The following CCDC77 variants were observed in gnomAD, a reference collection of about 807,000 sequenced individuals.
CCDC77 encodes the protein coiled-coil domain-containing protein 77.
A neutral mutation model predicts 66.8 loss-of-function variants in CCDC77; 56 were observed. The ratio of observed to expected loss-of-function variants is 0.84; its 90% CI spans 0.68 to 1.05. The LOEUF (loss-of-function observed/expected upper bound fraction) is 1.05, where lower values mean the gene tolerates loss of function less well. Among genes scored for constraint, CCDC77 ranks in the 50% least tolerant of loss-of-function variants. The probability of loss-of-function intolerance (pLI) is 0.00; values close to 1 mark genes in which losing one functional copy is unlikely to be tolerated. For synonymous variants in CCDC77, 196 were observed against 195.2 expected (o/e 1.00, Z -0.03); for missense variants, 570 against 576.8 (o/e 0.99, Z 0.12).
chr12:400,915 G>T (rs1035875285), upstream of CCDC77, among the ~76,000 whole-genome samples: 8 of 152,170 alleles, frequency 5.3e-5, no homozygotes, highest in Non-Finnish European at 1.0e-4. Context: ...ATAAAGGAAA[G>T]TGCGAGCCTG....
At chr12:413,271 C>G (rs1253399891) in intron 4 of CCDC77, among the ~76,000 whole-genome samples, 2 of 150,066 alleles carry the variant, frequency 1.3e-5, no homozygotes, top group Non-Finnish European at 3.0e-5. Context: ...GCGTCTTACT[C>G]TGTCGCCCAG....
At position 411,910 on chromosome 12, in the gene CCDC77, G is replaced by C. The variant is rs1945119101; in HGVS notation, c.202G>C (p.Glu68Gln). ...LLEYYQKKMA[E>Q]CEAENEDLLK... Reference sequence around the variant, plus strand: ...GGAATATTATCAAAAGAAGATGGCTGAGTGTGAGGCAGAAAATGAGGACTT... The same window carrying C: ...GGAATATTATCAAAAGAAGATGGCTCAGTGTGAGGCAGAAAATGAGGACTT... The change falls in exon 4 of 13, where the codon GAG becomes CAG. Residue 68 changes from glutamate (E) to glutamine (Q), a missense_variant. Transcript: ENST00000239830. 3.1e-6 allele frequency: 5 copies of C among 1,613,922 alleles called. No homozygotes were observed. The South Asian group carries it at 5.5e-5, about 18-fold the overall frequency.
At position 438,518 on chromosome 12, in the gene CCDC77, G is replaced by C. The variant is rs746796858; in HGVS notation, c.1005G>C (p.Met335Ile). ...AAATTGGAAAAGTGTTGCCCGTTAT[G>C]CATGAGAGTCACCATGCTCAAAGTG... ...EDKIGKVLPV[M>I]HESHHAQSEY... Residue 335 changes from methionine to isoleucine, a missense_variant, in exon 10 of 13, where the codon ATG becomes ATC. By Grantham distance (10) the Met-to-Ile change is conservative. Coordinates refer to ENST00000239830, the MANE Select transcript of CCDC77 (RefSeq NM_032358.4). 6.2e-7 allele frequency: 1 copy of C among 1,613,520 alleles called. No homozygotes were observed. The highest frequency in any genetic ancestry group is 1.3e-5 in the African/African-American group (1 of 74,912).
chr12:413,070 C>T (rs1291172240), intron 4 of CCDC77, among the ~76,000 whole-genome samples: 2 of 150,882 alleles, frequency 1.3e-5, no homozygotes, highest in African/African-American at 2.4e-5. Context: ...TCCCGAGTAG[C>T]TGGGACTGCA....
At chr12:389,762 T>G (rs1176096244) in intron 1 of CCDC77, among the ~76,000 whole-genome samples, 1 of 152,218 alleles carries the variant, frequency 6.6e-6, no homozygotes, top group African/African-American at 2.4e-5. Flanking sequence ...TCGTAATTTG[T>G]TTTAACCTAC....
chr12:392,259 A>C lies in CCDC77; in HGVS notation c.-113+2773A>C, dbSNP rs145196501. Among the ~76,000 whole-genome samples, 453 of 152,328 alleles carry C rather than the reference A, an allele frequency of 3.0e-3. 1 individual carries two copies. Among genetic ancestry groups the C allele is most frequent in the African/African-American group, 0.01 (432 of 41,572 alleles). ...AAATGAATACTTAGATCTGATAATC[A>C]TTTGGCTAGACCGTGGTCCCTGGAT... On this transcript the variant is annotated intron_variant, in intron 1 of 11. Coordinates refer to the CCDC77 transcript ENST00000422000.
intron 2 of CCDC77, among the ~76,000 whole-genome samples, chr12:408,944 G>A (rs531685568): frequency 6.6e-6 from 1 of 152,168 alleles, no homozygotes; most frequent in East Asian, 1.9e-4. Context: ...GGTGGCTCAC[G>A]CCTGTAATCC....
intron 7 of CCDC77, among the ~76,000 whole-genome samples, chr12:431,050 A>G (rs1425586630): frequency 7.1e-6 from 1 of 140,930 alleles, no homozygotes; most frequent in African/African-American, 2.7e-5. Flanking sequence ...ATTGCGTGAC[A>G]GAGCAAGACT....
chr12:431,963 T>C lies in CCDC77; in HGVS notation c.672+9T>C, dbSNP rs1591990008. On this transcript the variant is annotated intron_variant, in intron 8 of 12. Coordinates refer to ENST00000239830, the MANE Select transcript of CCDC77 (RefSeq NM_032358.4). Reference sequence around the variant, plus strand: ...AGACACTCATCCTACAGGTAAAGAATGTATTTTGGCAGACCAAGATGGCTT... The same window carrying C: ...AGACACTCATCCTACAGGTAAAGAACGTATTTTGGCAGACCAAGATGGCTT... 8.8e-6 allele frequency: 14 copies of C among 1,590,772 alleles called. No individual in the cohort carries two copies. The highest frequency in any genetic ancestry group is 4.1e-5 in the African/African-American group (3 of 73,916).
intron 9 of CCDC77, among the ~76,000 whole-genome samples, chr12:434,023 T>C (rs981765110): frequency 6.6e-6 from 1 of 152,172 alleles, no homozygotes; most frequent in Admixed American, 6.6e-5. Context: ...CCCATAAAAT[T>C]GGATGTTGTG....
chr12:438,645 T>C, intron 10 of CCDC77, 91 bp downstream of exon 10: 1 of 970,534 alleles, frequency 1.0e-6, no homozygotes, highest in Non-Finnish European at 1.6e-6. Context: ...GTAAGATCCA[T>C]TCAGTCCAGG....
In CCDC77 at chr12:415,427, A is replaced by AATT. The variant is rs199796347; in HGVS notation, c.271-3065_271-3063dup. The stretch of plus-strand genomic sequence containing the variant: ...CATAATATGTTGATATTATTAACAT[A>AATT]ATTAACATAATAATATGTTAATATT... On this transcript the variant is annotated intron_variant, in intron 4 of 12. Transcript: ENST00000239830. 1.9e-3 allele frequency among the ~76,000 whole-genome samples: 246 copies of AATT among 128,470 alleles called. 27 individuals carry two copies. The highest frequency in any genetic ancestry group is 3.8e-3 in the Middle Eastern group (1 of 260). The allele number at this position is 128,470 out of a possible 152,430, so 84.3% of individuals were successfully genotyped here.
At chr12:431,275 A>G (rs1306715302) in intron 7 of CCDC77, among the ~76,000 whole-genome samples, 2 of 147,868 alleles carry the variant, frequency 1.4e-5, no homozygotes, top group Non-Finnish European at 3.0e-5. Flanking sequence ...CTGGAGTGCA[A>G]TGGCGCGATC....
intron 5 of CCDC77, among the ~76,000 whole-genome samples, chr12:423,606 C>A (rs893173546): frequency 1.3e-5 from 2 of 151,072 alleles, no homozygotes; most frequent in East Asian, 3.9e-4. Flanking sequence ...GATGATCCCC[C>A]CAACCTCAGC....
chr12:406,004 G>A (rs1944983210), intron 2 of CCDC77, among the ~76,000 whole-genome samples: 1 of 148,406 alleles, frequency 6.7e-6, no homozygotes, highest in African/African-American at 2.5e-5. Context: ...CTGCAGCCTT[G>A]ATCCCCCGGT....
At chr12:411,702 A>G in intron 3 of CCDC77, 45 bp from the exon 4 acceptor site, 1 of 1,486,792 alleles carries the variant, frequency 6.7e-7, no homozygotes, top group Non-Finnish European at 9.2e-7. Flanking sequence ...TAACTCATAA[A>G]CTTTCGCAGA....
At chr12:412,609 A>T (rs1427916880) in intron 4 of CCDC77, among the ~76,000 whole-genome samples, 1 of 152,200 alleles carries the variant, frequency 6.6e-6, no homozygotes, top group African/African-American at 2.4e-5. Context: ...GTGACAATCA[A>T]GAATCTCTCC....
chr12:432,273 TGATA>T (rs1183557619), intron 8 of CCDC77, among the ~76,000 whole-genome samples: 4 of 152,220 alleles, frequency 2.6e-5, no homozygotes, highest in Admixed American at 1.3e-4. Flanking sequence ...TTGTCTATGC[TGATA>T]GATCAACATT....
chr12:406,491 A>G (rs540953446), intron 2 of CCDC77, among the ~76,000 whole-genome samples: 1 of 152,228 alleles, frequency 6.6e-6, no homozygotes, highest in East Asian at 1.9e-4. Flanking sequence ...CACAGAAGTA[A>G]TGAGGTTGGC....
Sources: allele counts gnomAD v4.1 joint callset (sites outside exome capture counted in the v4.1 genomes callset), GRCh38; gene constraint gnomAD v4.1.1; transcripts MANE v1.5; gene names NCBI Gene and HGNC (gene_info 2026-07-23, HGNC 2026-07-21).